Variants in SERPINE2 observed in about 807,000 individuals in gnomAD.
SERPINE2 encodes serpin family E member 2.
In SERPINE2, 14 loss-of-function variants were observed where a neutral mutation model predicts 36.3. The observed-to-expected ratio is 0.39, with a 90% CI of 0.25 to 0.60. The LOEUF (loss-of-function observed/expected upper bound fraction) is 0.60. SERPINE2 is among the 20% of genes least tolerant of loss of function. The pLI, the probability that SERPINE2 is intolerant of heterozygous loss-of-function variation, is 0.57. For missense variants in SERPINE2, 418 were observed against 499.6 expected, an observed-to-expected ratio of 0.84 and a Z score of 1.56; for synonymous variants, 192 against 191.8, an observed-to-expected ratio of 1.00 and a Z score of -0.01.
intron 1 of SERPINE2, chr2:224,030,192 C>G (rs1692315091): frequency 1.0e-6 from 1 of 985,246 alleles, no homozygotes; most frequent in Non-Finnish European, 1.2e-6. Context: ...ATGGCCAACG[C>G]ACAAGAGCCT....
chr2:223,977,199 T>C (rs2106127831), intron 8 of SERPINE2, among the ~76,000 whole-genome samples: 1 of 152,318 alleles, frequency 6.6e-6, no homozygotes. Context: ...ACACAAAAGT[T>C]GAAGTTATAT....
At chr2:224,025,562 T>C (rs1482483198) in intron 1 of SERPINE2, among the ~76,000 whole-genome samples, 1 of 152,210 alleles carries the variant, frequency 6.6e-6, no homozygotes, top group Non-Finnish European at 1.5e-5. Context: ...ACATACCCTA[T>C]GAGTTAGAAA....
intron 1 of SERPINE2, among the ~76,000 whole-genome samples, chr2:224,007,166 CATA>C (rs1426059709): frequency 6.6e-6 from 1 of 152,150 alleles, no homozygotes; most frequent in Non-Finnish European, 1.5e-5. Flanking sequence ...CTCTATGTAG[CATA>C]ATAAGTAAGT....
At chr2:224,009,356 T>C (rs1226189986) in intron 1 of SERPINE2, among the ~76,000 whole-genome samples, 1 of 152,152 alleles carries the variant, frequency 6.6e-6, no homozygotes, top group Non-Finnish European at 1.5e-5. Flanking sequence ...TTTGTCCGAA[T>C]CATGACATCT....
At chr2:224,003,817 T>A (rs532685887) in intron 1 of SERPINE2, among the ~76,000 whole-genome samples, 1 of 152,172 alleles carries the variant, frequency 6.6e-6, no homozygotes, top group Admixed American at 6.5e-5. Flanking sequence ...AGCCAATGTG[T>A]CCCACTCTGT....
At position 223,998,220 on chromosome 2, in the gene SERPINE2, T is replaced by C. The variant is rs1690970480; in HGVS notation, c.382A>G (p.Thr128Ala). 1 of 1,614,118 alleles carries C rather than the reference T, an allele frequency of 6.2e-7. No individual in the cohort carries two copies. The highest frequency in any genetic ancestry group is 2.2e-5 in the East Asian group (1 of 44,884). The change falls in exon 3 of 9, where the codon ACA becomes GCA. Residue 128 changes from threonine to alanine, a missense_variant. By Grantham distance (58) the Thr-to-Ala change is moderately conservative. Transcript: ENST00000409304. Reference protein sequence around the residue: ...NASEIEVPFVTRNKDVFQCEV... With the variant: ...NASEIEVPFVARNKDVFQCEV... The stretch of plus-strand genomic sequence containing the variant: ...CACTGGAACACATCTTTGTTCCTTG[T>C]AACAAAAGGCACTTCAATTTCAGAG...
intron 1 of SERPINE2, among the ~76,000 whole-genome samples, chr2:224,029,594 TCA>T (rs1433462603): frequency 1.3e-5 from 2 of 152,222 alleles, no homozygotes; most frequent in Admixed American, 6.5e-5. Context: ...AATGATTTTT[TCA>T]CAGTCAGAAA....
chr2:224,014,134 G>T (rs1474478235), intron 1 of SERPINE2, among the ~76,000 whole-genome samples: 1 of 152,180 alleles, frequency 6.6e-6, no homozygotes, highest in East Asian at 1.9e-4. Context: ...TAGCCCTTTG[G>T]GAAGCCAAGG....
chr2:223,995,632 GT>G (rs1690854792), intron 3 of SERPINE2, among the ~76,000 whole-genome samples: 2 of 152,140 alleles, frequency 1.3e-5, no homozygotes, highest in Non-Finnish European at 2.9e-5. Flanking sequence ...TTTTGTTTTT[GT>G]TTTTGCATCC....
chr2:224,031,766 C>CA lies in SERPINE2; in HGVS notation c.-23+7332_-23+7333insT, dbSNP rs1411678658. ...CTAGGATTTCCACCCCCCACCCCCC[C>CA]CGCCGGCTGGAACTGGCTGAAAAGC... is the stretch of plus-strand genomic sequence containing the variant. On this transcript the variant is annotated intron_variant, in intron 1 of 8. Transcript: ENST00000409304. Among the ~76,000 whole-genome samples the CA allele has an allele frequency of 6.0e-5, 9 of 149,566 alleles. No homozygotes were observed. In the East Asian group the frequency reaches 1.2e-3, roughly 20 times the overall value.
chr2:223,988,573 T>C (rs1387560446), intron 4 of SERPINE2, among the ~76,000 whole-genome samples: 1 of 152,234 alleles, frequency 6.6e-6, no homozygotes, highest in Non-Finnish European at 1.5e-5. Context: ...GAAAAGAAGA[T>C]GGAAATATAA....
intron 1 of SERPINE2, among the ~76,000 whole-genome samples, chr2:224,013,032 T>C (rs1405137005): frequency 6.6e-6 from 1 of 152,318 alleles, no homozygotes; most frequent in East Asian, 1.9e-4. Flanking sequence ...TGGTGTTATT[T>C]TGGTGAACAT....
At chr2:224,034,680 G>T (rs1692478456) in intron 1 of SERPINE2, among the ~76,000 whole-genome samples, 1 of 152,108 alleles carries the variant, frequency 6.6e-6, no homozygotes, top group African/African-American at 2.4e-5. Flanking sequence ...GTAAAACAAG[G>T]TTCCCCATGT....
At chr2:224,021,560 T>C (rs540570993) in intron 1 of SERPINE2, among the ~76,000 whole-genome samples, 5 of 152,224 alleles carry the variant, frequency 3.3e-5, no homozygotes, top group Non-Finnish European at 5.9e-5. Flanking sequence ...TATTTGCCTT[T>C]ACTTAACATG....
At chr2:223,983,259 G>T (rs1690291019) in intron 5 of SERPINE2, among the ~76,000 whole-genome samples, 1 of 152,062 alleles carries the variant, frequency 6.6e-6, no homozygotes, top group African/African-American at 2.4e-5. Context: ...TTCATTTTGG[G>T]ATTCTTTTTT....
At chr2:224,034,442 AAGAAAAGAATGTTTC>A (rs1464334547) in intron 1 of SERPINE2, among the ~76,000 whole-genome samples, 2 of 152,132 alleles carry the variant, frequency 1.3e-5, no homozygotes, top group Admixed American at 1.3e-4. Flanking sequence ...TCAGTTTTGC[AAGAAAAGAATGTTTC>A]AGGCAGGGGA....
Position 223,975,820 on chromosome 2 carries a change from T to G in SERPINE2, c.*47A>C, listed in dbSNP as rs756961949. ...AAAGATGCAGGAAAGGAGTCTTTCT[T>G]CGTAGCAAAGTAGTCGTTGCTTTGC... On this transcript the variant is annotated 3_prime_UTR_variant, in exon 9 of 9. Coordinates refer to ENST00000409304, the MANE Select transcript of SERPINE2 (RefSeq NM_001136528.2). 1 of 1,477,148 alleles carries G rather than the reference T, an allele frequency of 6.8e-7. No individual in the cohort carries two copies. Among genetic ancestry groups the G allele is most frequent in the Admixed American group, 2.0e-5 (1 of 50,864 alleles). 91.5% of individuals were successfully genotyped at this position (1,477,148 alleles called of 1,614,324 possible).
intron 1 of SERPINE2, among the ~76,000 whole-genome samples, chr2:224,006,992 C>T (rs936717362): frequency 1.3e-5 from 2 of 152,186 alleles, no homozygotes; most frequent in African/African-American, 4.8e-5. Flanking sequence ...GCACCTGTGA[C>T]GAGACCCCTT....
chr2:224,034,943 G>A (rs1428484126), intron 1 of SERPINE2, among the ~76,000 whole-genome samples: 2 of 152,194 alleles, frequency 1.3e-5, no homozygotes, highest in Non-Finnish European at 2.9e-5. Context: ...TATAAAGATA[G>A]CGGAGAGCTC....
Sources: allele counts gnomAD v4.1 joint callset (sites outside exome capture counted in the v4.1 genomes callset), GRCh38; gene constraint gnomAD v4.1.1; transcripts MANE v1.5; gene names NCBI Gene and HGNC (gene_info 2026-07-23, HGNC 2026-07-21).